The following RTN3 variants were observed in gnomAD, a reference collection of about 807,000 sequenced individuals.
RTN3 encodes the protein reticulon-3.
RTN3 carries 49 observed loss-of-function variants against 77.8 expected under a neutral mutation model. The ratio of observed to expected loss-of-function variants is 0.63; its 90% CI spans 0.50 to 0.80. The LOEUF is 0.80. Among genes scored for constraint, RTN3 ranks in the 30% least tolerant of loss-of-function variants. The pLI, the probability that RTN3 is intolerant of heterozygous loss-of-function variation, is 0.00. For synonymous variants in RTN3, 464 were observed against 446.9 expected (o/e 1.04, Z -0.48); for missense variants, 1,236 against 1,211.9 (o/e 1.02, Z -0.29).
chr11:63,692,113 C>G (rs908708179), intron 1 of RTN3, among the ~76,000 whole-genome samples: 8 of 152,166 alleles, frequency 5.3e-5, no homozygotes, highest in African/African-American at 1.9e-4. Context: ...AACTCTGCCT[C>G]CCAGGTTCAA....
intron 2 of RTN3, among the ~76,000 whole-genome samples, chr11:63,709,105 C>T (rs769302999): frequency 2.6e-5 from 4 of 152,102 alleles, no homozygotes; most frequent in African/African-American, 4.8e-5. Flanking sequence ...ATGCCAAAGC[C>T]GTGGTCATAA....
rs761727731 is a variant in RTN3, at chr11:63,758,259, C to A, written c.*58C>A. On this transcript the variant is annotated 3_prime_UTR_variant, in exon 9 of 9. Coordinates refer to ENST00000377819, the MANE Select transcript of RTN3 (RefSeq NM_001265589.2). ...AAACACCATTTAATAGTTATAACGT[C>A]GTTACTTGTACTATGAAGGAAAATA... 2 of 1,613,390 alleles carry A rather than the reference C, an allele frequency of 1.2e-6. No homozygotes were observed. Among genetic ancestry groups the A allele is most frequent in the Non-Finnish European group, 1.7e-6 (2 of 1,179,646 alleles).
chr11:63,713,203 G>A (rs1354340057), intron 2 of RTN3, among the ~76,000 whole-genome samples: 3 of 152,174 alleles, frequency 2.0e-5, no homozygotes, highest in Non-Finnish European at 2.9e-5. Context: ...TCTCAGTGGA[G>A]TATTTAGAGT....
At chr11:63,742,855 T>TTA (rs999239813) in intron 3 of RTN3, among the ~76,000 whole-genome samples, 36 of 151,876 alleles carry the variant, frequency 2.4e-4, no homozygotes, top group East Asian at 1.7e-3. Flanking sequence ...ATACCTAAGT[T>TTA]TATATATATA....
At chr11:63,729,868 A>G (rs2012567734) in intron 3 of RTN3, among the ~76,000 whole-genome samples, 1 of 150,754 alleles carries the variant, frequency 6.6e-6, no homozygotes, top group Non-Finnish European at 1.5e-5. Flanking sequence ...AACACAGCTC[A>G]CTGTACCTCA....
rs1199122346 is a variant in RTN3 at position 63,719,420 on chromosome 11, A to T, written c.918A>T (p.Pro306=). The T allele has an allele frequency of 6.2e-7, 1 of 1,614,034 alleles. No individual in the cohort carries two copies. Among genetic ancestry groups the T allele is most frequent in the Admixed American group, 1.7e-5 (1 of 59,988 alleles). Residue 306 remains proline, a synonymous_variant, in exon 3 of 9, where the codon CCA becomes CCT. Transcript: ENST00000377819. ...GAAATAAAGAGGCAGGACGTTACCC[A>T]ATGTCTGCATTGCTCAGTAGGCAGT... ...PLRNKEAGRY[P]MSALLSRQFS...
Position 63,719,938 on chromosome 11 carries a change from A to T in RTN3, c.1436A>T (p.Asp479Val), listed in dbSNP as rs879451268. ...GTTTTACCTGATGACCACCTGAAAG[A>T]TGAAATGGACTGGCAGAGCTCTGCA... ...KVVLPDDHLK[D>V]EMDWQSSALG... is the part of the protein sequence containing the mutation. The change falls in exon 3 of 9, where the codon GAT becomes GTT. Residue 479 changes from aspartate (D) to valine (V), a missense_variant. Coordinates refer to ENST00000377819, the MANE Select transcript of RTN3 (RefSeq NM_001265589.2). 6.2e-7 allele frequency: 1 copy of T among 1,614,080 alleles called. No individual in the cohort carries two copies. Among genetic ancestry groups the T allele is most frequent in the Non-Finnish European group, 8.5e-7 (1 of 1,180,038 alleles).
rs113719649 is a variant in RTN3, at chr11:63,710,351, GT to G, written c.199+5455del. 3.7e-3 allele frequency among the ~76,000 whole-genome samples: 526 copies of G among 143,330 alleles called. 4 individuals carry two copies. Among genetic ancestry groups the G allele is most frequent in the African/African-American group, 0.011 (450 of 39,344 alleles). The allele number at this position is 143,330 out of a possible 152,430, so 94.0% of individuals were successfully genotyped here. A position where few individuals can be genotyped will look rare whatever the true frequency, so the allele number is the denominator to read the frequency against. Reference sequence around the variant, plus strand: ...CAGTCTTAGACATTGTAGTTTTTTTGTTTTTTTTTTTATCATGTTACTTTAA... The same window carrying G: ...CAGTCTTAGACATTGTAGTTTTTTTGTTTTTTTTTTATCATGTTACTTTAA... On this transcript the variant is annotated intron_variant, in intron 2 of 8. Transcript: ENST00000377819.
chr11:63,724,344 G>A lies in RTN3; in HGVS notation c.2530+3312G>A, dbSNP rs184346444. Reference sequence around the variant, plus strand: ...ATTACGGGCGCCTGCTACCACGCCCGGCTAATTTTTTGTATTTTTTAGTAC... The same window carrying A: ...ATTACGGGCGCCTGCTACCACGCCCAGCTAATTTTTTGTATTTTTTAGTAC... On this transcript the variant is annotated intron_variant, in intron 3 of 8. Coordinates refer to ENST00000377819, the MANE Select transcript of RTN3 (RefSeq NM_001265589.2). Among the ~76,000 whole-genome samples, 459 of 150,612 alleles carry A rather than the reference G, an allele frequency of 3.0e-3. 2 individuals carry two copies. Among genetic ancestry groups the A allele is most frequent in the Admixed American group, 0.011 (162 of 15,084 alleles).
In RTN3 at chr11:63,681,500, A is replaced by C. The variant is rs534741282; in HGVS notation, c.-137A>C. 1 of 851,608 alleles carries C rather than the reference A, an allele frequency of 1.2e-6. No individual in the cohort carries two copies. Among genetic ancestry groups the C allele is most frequent in the Non-Finnish European group, 1.7e-6 (1 of 598,458 alleles). The allele number at this position is 851,608 out of a possible 1,614,324, so 52.8% of individuals were successfully genotyped here. ...CTAGCTGCGCTCGGCTGAGTCAGTC[A>C]GTCTGTCGGAGTCTGTCCTCGGAGC... On this transcript the variant is annotated 5_prime_UTR_variant, in exon 1 of 9. Coordinates refer to ENST00000377819, the MANE Select transcript of RTN3 (RefSeq NM_001265589.2).
chr11:63,736,902 A>C (rs1227728284), intron 3 of RTN3, among the ~76,000 whole-genome samples: 1 of 151,918 alleles, frequency 6.6e-6, no homozygotes, highest in Non-Finnish European at 1.5e-5. Context: ...GTCCACAGTT[A>C]GGGGCAGGGG....
rs2011703851 is a variant in RTN3 at position 63,720,613 on chromosome 11, A to G, written c.2111A>G (p.Lys704Arg). The G allele has an allele frequency of 6.2e-7, 1 of 1,613,904 alleles. No homozygotes were observed. Among genetic ancestry groups the G allele is most frequent in the African/African-American group, 1.3e-5 (1 of 75,008 alleles). ...HENESGGSEI[K>R]DIGSKYSEQS... ...AATGAGTCCGGTGGTTCTGAAATTA[A>G]AGACATTGGAAGCAAATACAGTGAA... The change falls in exon 3 of 9, where the codon AAA (lysine) becomes AGA (arginine). Residue 704 changes from lysine (K) to arginine (R), a missense_variant. Lys to Arg is a conservative substitution (Grantham distance 26). Coordinates refer to ENST00000377819, the MANE Select transcript of RTN3 (RefSeq NM_001265589.2).
At chr11:63,693,034 C>T (rs1029707368) in intron 1 of RTN3, among the ~76,000 whole-genome samples, 1 of 152,036 alleles carries the variant, frequency 6.6e-6, no homozygotes, top group African/African-American at 2.4e-5. Flanking sequence ...CTTGGCTTCT[C>T]GATGTGCTGG....
rs192700400 is a variant in RTN3 at position 63,689,690 on chromosome 11, C to A, written c.142+7912C>A. Among the ~76,000 whole-genome samples, 11 of 150,916 alleles carry A rather than the reference C, an allele frequency of 7.3e-5. No individual in the cohort carries two copies. In the East Asian group the frequency reaches 1.6e-3, roughly 21 times the overall value. ...CTATAACCATATCATTGTAACCTAA[C>A]CAGAGAAGACAGTGAGCTTATCAGC... On this transcript the variant is annotated intron_variant, in intron 1 of 8. Coordinates refer to ENST00000377819, the MANE Select transcript of RTN3 (RefSeq NM_001265589.2).
intron 2 of RTN3, among the ~76,000 whole-genome samples, chr11:63,712,082 C>T (rs534912840): frequency 1.1e-4 from 17 of 152,324 alleles, no homozygotes; most frequent in African/African-American, 3.8e-4. Flanking sequence ...CGTATTCAGA[C>T]GTTGCATCAC....
At chr11:63,692,378 C>G (rs1941707299) in intron 1 of RTN3, among the ~76,000 whole-genome samples, 1 of 151,992 alleles carries the variant, frequency 6.6e-6, no homozygotes, top group Non-Finnish European at 1.5e-5. Flanking sequence ...ATTTGCTGTT[C>G]ACTCTGCCTA....
chr11:63,725,518 C>T (rs7118001), intron 3 of RTN3, among the ~76,000 whole-genome samples: 5,014 of 151,770 alleles, frequency 0.033, 118 homozygotes, highest in South Asian at 0.11. Context: ...GTGCAATCTC[C>T]GCTCACTGCA....
At chr11:63,737,678 A>T (rs561945780) in intron 3 of RTN3, among the ~76,000 whole-genome samples, 1 of 152,234 alleles carries the variant, frequency 6.6e-6, no homozygotes, top group Non-Finnish European at 1.5e-5. Context: ...TTAGATCCAT[A>T]CTATTCACCT....
chr11:63,693,372 A>G (rs1941766986), intron 1 of RTN3, among the ~76,000 whole-genome samples: 1 of 152,050 alleles, frequency 6.6e-6, no homozygotes, highest in South Asian at 2.1e-4. Flanking sequence ...AATCCCAGCT[A>G]CTTGGGAAGG....
Sources: gnomAD v4.1 joint callset for allele counts (sites outside exome capture counted in the v4.1 genomes callset) on GRCh38, gnomAD v4.1.1 for gene constraint, MANE v1.5 for transcripts, NCBI Gene and HGNC (gene_info 2026-07-23, HGNC 2026-07-21) for gene names.